Variants in KCNG2 observed in about 807,000 individuals in gnomAD.
The protein encoded by KCNG2 is potassium voltage-gated channel modifier subfamily G member 2.
In KCNG2, 7 loss-of-function variants were observed where a neutral mutation model predicts 12.3. That is an observed-to-expected ratio of 0.57 (90% CI 0.32 to 1.07). KCNG2 has a LOEUF of 1.07. KCNG2 is among the 50% of genes least tolerant of loss of function. KCNG2 has a pLI of 0.04. For synonymous variants in KCNG2, 414 were observed against 351.4 expected (o/e 1.18, Z -1.99); for missense variants, 703 against 726.0 (o/e 0.97, Z 0.36).
chr18:79,893,351 C>T (rs999334038), intron 3 of KCNG2, among the ~76,000 whole-genome samples: 2 of 149,678 alleles, frequency 1.3e-5, no homozygotes, highest in Admixed American at 6.7e-5. Flanking sequence ...TCTAATATTA[C>T]GATTAATATC....
At chr18:79,858,814 T>A (rs570260260) in intron 2 of KCNG2, among the ~76,000 whole-genome samples, 87 of 152,336 alleles carry the variant, frequency 5.7e-4, no homozygotes, top group African/African-American at 2.1e-3. Context: ...TACGTTTCCA[T>A]AATGACTAAT....
chr18:79,814,430 C>T (rs2087513818), intron 1 of KCNG2, among the ~76,000 whole-genome samples: 1 of 152,238 alleles, frequency 6.6e-6, no homozygotes, highest in South Asian at 2.1e-4. Flanking sequence ...GTTATCGGTA[C>T]ACACAGCAGC....
At chr18:79,837,398 T>A (rs1025531835) in intron 1 of KCNG2, among the ~76,000 whole-genome samples, 6 of 152,180 alleles carry the variant, frequency 3.9e-5, no homozygotes, top group African/African-American at 1.4e-4. Context: ...AGTTGGAGGA[T>A]CTACCATTCT....
intron 1 of KCNG2, among the ~76,000 whole-genome samples, chr18:79,836,112 A>G (rs536722037): frequency 5.9e-5 from 9 of 152,268 alleles, no homozygotes; most frequent in Non-Finnish European, 1.0e-4. Flanking sequence ...GCATGACCCA[A>G]TGATAAGCAG....
Position 79,899,267 on chromosome 18 carries a change from G to C in KCNG2, c.852G>C (p.Gly284=). 1 of 1,584,558 alleles carries C rather than the reference G, an allele frequency of 6.3e-7. No homozygotes were observed. The highest frequency in any genetic ancestry group is 8.5e-7 in the Non-Finnish European group (1 of 1,172,658). Residue 284 remains glycine, a synonymous_variant, in exon 4 of 4, where the codon GGG becomes GGC. Coordinates refer to ENST00000316249, the MANE Select transcript of KCNG2 (RefSeq NM_012283.2). ...PGGTKLLERA[G]LVLRLLRALR... ...GGACCAAGCTCCTGGAGCGCGCGGGGCTGGTGCTGCGGCTGCTGCGTGCGC... is the reference window on the plus strand; with the variant it reads ...GGACCAAGCTCCTGGAGCGCGCGGGCCTGGTGCTGCGGCTGCTGCGTGCGC...
At chr18:79,885,828 G>A (rs367942416) in intron 3 of KCNG2, among the ~76,000 whole-genome samples, 13,201 of 131,882 alleles carry the variant, frequency 0.1, 566 homozygotes, top group East Asian at 0.29. Context: ...TGGGGACGGG[G>A]ACATGGGGAC....
At chr18:79,799,732 C>A (rs2087392694) in intron 1 of KCNG2, among the ~76,000 whole-genome samples, 1 of 152,250 alleles carries the variant, frequency 6.6e-6, no homozygotes, top group Non-Finnish European at 1.5e-5. Flanking sequence ...TCAGCTGCCA[C>A]AGGCAGGAGG....
chr18:79,812,841 A>G (rs922879824), intron 1 of KCNG2, among the ~76,000 whole-genome samples: 2 of 152,018 alleles, frequency 1.3e-5, no homozygotes, highest in Non-Finnish European at 2.9e-5. Flanking sequence ...AGTCTGGGTG[A>G]TAGAGCGAGA....
chr18:79,899,752 GC>G lies in KCNG2; in HGVS notation c.1341del (p.Asp448ThrfsTer76). ...ACAGCCACCGAGGACAGCTCGCAGGGCCCCGACAGCGCGGGCCTGGCCGACG... is the reference window on the plus strand; with the variant it reads ...ACAGCCACCGAGGACAGCTCGCAGGGCCCGACAGCGCGGGCCTGGCCGACG... ...SATATEDSSQ[G>X]PDSAGLADDS... is the part of the protein sequence containing the mutation. On this transcript the variant is annotated frameshift_variant, in exon 4 of 4. Coordinates refer to ENST00000316249, the MANE Select transcript of KCNG2 (RefSeq NM_012283.2). LOFTEE classifies it low-confidence loss of function (END_TRUNC). 2 of 1,575,396 alleles carry G rather than the reference GC, an allele frequency of 1.3e-6. No homozygotes were observed. Among genetic ancestry groups the G allele is most frequent in the South Asian group, 1.1e-5 (1 of 87,052 alleles).
intron 3 of KCNG2, among the ~76,000 whole-genome samples, chr18:79,870,802 A>G (rs1324342273): frequency 6.6e-6 from 1 of 152,236 alleles, no homozygotes; most frequent in African/African-American, 2.4e-5. Context: ...AAAAGCTGGT[A>G]GCCAAGTTTC....
At chr18:79,893,394 T>TCACTC (rs55965314) in intron 3 of KCNG2, among the ~76,000 whole-genome samples, 136,027 of 151,242 alleles carry the variant, frequency 0.9, 62,961 homozygotes, top group East Asian at 1. Context: ...ATTGGGTTCT[T>TCACTC]CATTGTTAAC....
intron 3 of KCNG2, among the ~76,000 whole-genome samples, 185 bp downstream of exon 3, chr18:79,864,476 G>C (rs927462508): frequency 2.0e-5 from 3 of 152,080 alleles, no homozygotes; most frequent in Non-Finnish European, 2.9e-5. Context: ...CTGAGGGAGC[G>C]CCGCTGATGG....
intron 2 of KCNG2, among the ~76,000 whole-genome samples, chr18:79,861,061 C>T (rs1040548415): frequency 5.3e-5 from 8 of 152,114 alleles, no homozygotes; most frequent in African/African-American, 1.9e-4. Flanking sequence ...CTTTTTCTGC[C>T]TCTATTGAAA....
At chr18:79,878,698 T>C (rs1333371117) in intron 3 of KCNG2, among the ~76,000 whole-genome samples, 1 of 152,264 alleles carries the variant, frequency 6.6e-6, no homozygotes, top group African/African-American at 2.4e-5. Context: ...ATTGGCTACA[T>C]CTTTTGACCT....
rs113195725 is a variant in KCNG2 at position 79,888,840 on chromosome 18, A to AT, written c.625-10190dup. 8.3e-3 allele frequency among the ~76,000 whole-genome samples: 1,236 copies of AT among 148,164 alleles called. 16 individuals are homozygous for AT. Among genetic ancestry groups the AT allele is most frequent in the East Asian group, 0.026 (131 of 5,056 alleles). ...CAGAAGTCCACCACCACGCCCAGCT[A>AT]TTTTTTTTTTGTATTTTCAGTGGAG... On this transcript the variant is annotated intron_variant, in intron 3 of 3. Coordinates refer to ENST00000316249, the MANE Select transcript of KCNG2 (RefSeq NM_012283.2).
At position 79,815,176 on chromosome 18, in the gene KCNG2, C is replaced by T. The variant is rs150819549; in HGVS notation, c.-115+17162C>T. Among the ~76,000 whole-genome samples the T allele has an allele frequency of 2.1e-3, 321 of 152,194 alleles. 1 individual carries two copies. The highest frequency in any genetic ancestry group is 7.3e-3 in the African/African-American group (302 of 41,526). ...GCTTATATCCAGGCACAGTGGCTCA[C>T]GCCTGTAATCCTAACAATTTGGTAG... On this transcript the variant is annotated intron_variant, in intron 1 of 3. Transcript: ENST00000316249.
chr18:79,830,000 T>C (rs1027694667), intron 1 of KCNG2, among the ~76,000 whole-genome samples: 1 of 152,232 alleles, frequency 6.6e-6, no homozygotes, highest in Non-Finnish European at 1.5e-5. Context: ...GTGGGGATGC[T>C]GTCTGAGAAA....
intron 1 of KCNG2, among the ~76,000 whole-genome samples, chr18:79,842,362 G>A (rs1978486691): frequency 6.6e-6 from 1 of 152,176 alleles, no homozygotes; most frequent in East Asian, 1.9e-4. Context: ...CTGATAAAGG[G>A]CTCTCCTTGC....
intron 3 of KCNG2, among the ~76,000 whole-genome samples, chr18:79,879,286 G>A (rs1274922611): frequency 1.3e-5 from 2 of 152,234 alleles, no homozygotes; most frequent in African/African-American, 4.8e-5. Context: ...AGTGAACCCA[G>A]TGGTTGGCAA....
Sources: gnomAD v4.1 joint callset for allele counts (sites outside exome capture counted in the v4.1 genomes callset) on GRCh38, gnomAD v4.1.1 for gene constraint, MANE v1.5 for transcripts, NCBI Gene and HGNC (gene_info 2026-07-23, HGNC 2026-07-21) for gene names.